WDPCP: variants seen among roughly 807,000 people sequenced by gnomAD.
WDPCP encodes WD repeat-containing and planar cell polarity effector protein fritz homolog.
WDPCP carries 71 observed loss-of-function variants against 93.1 expected under a neutral mutation model. The observed-to-expected ratio is 0.76, with a 90% CI of 0.63 to 0.93. The LOEUF is 0.93. Ranked by LOEUF, WDPCP falls within the 40% of genes least tolerant of loss-of-function variation. The probability of loss-of-function intolerance (pLI) is 0.00; values close to 1 mark genes in which losing one functional copy is unlikely to be tolerated. For synonymous variants in WDPCP, 315 were observed against 315.0 expected (o/e 1.00, Z 0.00); for missense variants, 844 against 887.4 (o/e 0.95, Z 0.62).
chr2:63,446,275 T>A (rs1697857172), intron 6 of WDPCP, among the ~76,000 whole-genome samples: 1 of 152,110 alleles, frequency 6.6e-6, no homozygotes, highest in African/African-American at 2.4e-5. Context: ...CATTACCGCC[T>A]GAGCTCTACC....
chr2:63,620,312 C>T (rs192684224), intron 3 of WDPCP, among the ~76,000 whole-genome samples: 113 of 152,322 alleles, frequency 7.4e-4, no homozygotes, highest in African/African-American at 2.6e-3. Context: ...CTGAAGTCTA[C>T]CTGGGATGCT....
chr2:63,304,693 A>G (rs1239921936), intron 13 of WDPCP, among the ~76,000 whole-genome samples: 1 of 152,092 alleles, frequency 6.6e-6, no homozygotes, highest in Non-Finnish European at 1.5e-5. Flanking sequence ...ACACCGAGCT[A>G]GCTGCAGGAG....
In WDPCP at chr2:63,439,750, T is replaced by C; in HGVS notation, c.499+7A>G. ...TAGGCAATTGATTTGCACATGGGGGTAATTACCATCACTGATGGTGTCTGA... is the reference window on the plus strand; with the variant it reads ...TAGGCAATTGATTTGCACATGGGGGCAATTACCATCACTGATGGTGTCTGA... On this transcript the variant is annotated splice_region_variant and intron_variant, in intron 7 of 17. Transcript: ENST00000272321. 1 of 1,607,564 alleles carries C rather than the reference T, an allele frequency of 6.2e-7. No homozygotes were observed. Among genetic ancestry groups the C allele is most frequent in the Non-Finnish European group, 8.5e-7 (1 of 1,174,414 alleles).
At chr2:63,263,107 A>G (rs936783544) in intron 13 of WDPCP, among the ~76,000 whole-genome samples, 1 of 152,196 alleles carries the variant, frequency 6.6e-6, no homozygotes, top group African/African-American at 2.4e-5. Context: ...CATGCCCCTG[A>G]GGTCTGACAG....
intron 2 of WDPCP, among the ~76,000 whole-genome samples, chr2:63,660,517 C>T (rs544129521): frequency 3.3e-5 from 5 of 152,260 alleles, no homozygotes; most frequent in African/African-American, 1.2e-4. Context: ...CAACAGGCTT[C>T]CTGCCTCCCA....
intron 9 of WDPCP, among the ~76,000 whole-genome samples, chr2:63,421,503 T>C (rs965594147): frequency 3.9e-5 from 6 of 152,166 alleles, no homozygotes; most frequent in African/African-American, 1.4e-4. Flanking sequence ...GGCAATTCAA[T>C]GCAGAAAGGA....
intron 1 of WDPCP, among the ~76,000 whole-genome samples, chr2:63,531,237 C>T (rs527728516): frequency 6.6e-6 from 1 of 152,330 alleles, no homozygotes; most frequent in South Asian, 2.1e-4. Context: ...GGCCTGCCTG[C>T]CTCTGTAGAC....
intron 12 of WDPCP, chr2:63,359,757 CCT>C (rs748986156): frequency 1.3e-5 from 2 of 152,176 alleles, no homozygotes; most frequent in African/African-American, 4.8e-5. Flanking sequence ...CAAAATACCC[CCT>C]GAGAAGTGAA....
At chr2:63,185,216 A>G (rs190163701) in intron 14 of WDPCP, among the ~76,000 whole-genome samples, 38 of 152,236 alleles carry the variant, frequency 2.5e-4, no homozygotes, top group African/African-American at 8.2e-4. Flanking sequence ...TTTATCTGGC[A>G]TTTCAGAAAT....
chr2:63,350,054 A>G lies in WDPCP; in HGVS notation c.1748+28332T>C, dbSNP rs376722037. 4.7e-4 allele frequency among the ~76,000 whole-genome samples: 72 copies of G among 152,288 alleles called. 4 individuals are homozygous for G. The East Asian group carries it at 7.1e-3, about 15-fold the overall frequency. ...TTGGAACCAACCCAAATGTCCATCA[A>G]TGGTAGCCTGGATTAAGAAAATGTG... On this transcript the variant is annotated intron_variant, in intron 12 of 17. Coordinates refer to ENST00000272321, the MANE Select transcript of WDPCP (RefSeq NM_015910.7).
intron 12 of WDPCP, among the ~76,000 whole-genome samples, chr2:63,370,836 T>C (rs549288497): frequency 2.0e-5 from 3 of 152,136 alleles, no homozygotes; most frequent in Non-Finnish European, 4.4e-5. Flanking sequence ...TTGACTAATC[T>C]TGTCAAAGAA....
chr2:63,674,231 CT>C (rs531088754), intron 2 of WDPCP, among the ~76,000 whole-genome samples: 36 of 151,770 alleles, frequency 2.4e-4, no homozygotes, highest in Non-Finnish European at 3.7e-4. Flanking sequence ...CAGGTTAAAA[CT>C]TTTTTTTTGT....
At chr2:63,223,339 A>C (rs1046584756) in intron 14 of WDPCP, among the ~76,000 whole-genome samples, 2 of 152,176 alleles carry the variant, frequency 1.3e-5, no homozygotes, top group Non-Finnish European at 2.9e-5. Context: ...ATATTATCAG[A>C]GAACGTTTTA....
At chr2:63,375,804 GTAATAT>G (rs1247028185) in intron 12 of WDPCP, among the ~76,000 whole-genome samples, 1 of 151,784 alleles carries the variant, frequency 6.6e-6, no homozygotes, top group Non-Finnish European at 1.5e-5. Context: ...TAAAATCAAT[GTAATAT>G]TTTACTCTTT....
intron 2 of WDPCP, among the ~76,000 whole-genome samples, chr2:63,739,426 T>G (rs1294928453): frequency 6.6e-6 from 1 of 152,118 alleles, no homozygotes; most frequent in African/African-American, 2.4e-5. Flanking sequence ...CCAATCCTAA[T>G]TCTTTATCCA....
At chr2:63,617,709 C>T (rs1481454899) in intron 3 of WDPCP, among the ~76,000 whole-genome samples, 1 of 152,042 alleles carries the variant, frequency 6.6e-6, no homozygotes, top group African/African-American at 2.4e-5. Context: ...GAACAAATAC[C>T]TTTACTAATG....
At chr2:63,671,376 C>T (rs576122816) in intron 2 of WDPCP, among the ~76,000 whole-genome samples, 1 of 152,230 alleles carries the variant, frequency 6.6e-6, no homozygotes, top group East Asian at 1.9e-4. Flanking sequence ...CTTAGGGACT[C>T]CCAAACAGCC....
intron 1 of WDPCP, among the ~76,000 whole-genome samples, chr2:63,581,118 A>T (rs1405635686): frequency 1.3e-5 from 2 of 152,232 alleles, no homozygotes; most frequent in African/African-American, 4.8e-5. Flanking sequence ...TTCACCAAAA[A>T]GTAGGAACTA....
At chr2:63,714,854 A>C (rs1302629512) in intron 2 of WDPCP, among the ~76,000 whole-genome samples, 1 of 152,204 alleles carries the variant, frequency 6.6e-6, no homozygotes, top group Non-Finnish European at 1.5e-5. Context: ...ACAACAAATA[A>C]ATAATAGTAC....
Sources: gnomAD v4.1 joint callset for allele counts (sites outside exome capture counted in the v4.1 genomes callset) on GRCh38, gnomAD v4.1.1 for gene constraint, MANE v1.5 for transcripts, NCBI Gene and HGNC (gene_info 2026-07-23, HGNC 2026-07-21) for gene names.